Variants in ARHGAP31 observed in about 807,000 individuals in gnomAD.
The protein encoded by ARHGAP31 is rho GTPase-activating protein 31.
In ARHGAP31, 34 loss-of-function variants were observed where a neutral mutation model predicts 113.9. The ratio of observed to expected loss-of-function variants is 0.30; its 90% CI spans 0.23 to 0.40. ARHGAP31 has a LOEUF of 0.40. Ranked by LOEUF, ARHGAP31 falls within the 10% of genes least tolerant of loss-of-function variation. The pLI is 1.00. For missense variants in ARHGAP31, 1,548 were observed against 1,767.1 expected (o/e 0.88, Z 2.22); for synonymous variants, 650 against 684.8 (o/e 0.95, Z 0.79).
chr3:119,366,798 T>G (rs1398175531), intron 2 of ARHGAP31, among the ~76,000 whole-genome samples: 1 of 151,202 alleles, frequency 6.6e-6, no homozygotes, highest in Non-Finnish European at 1.5e-5. Context: ...CATGGCATAG[T>G]TCTCTTTTAA....
At chr3:119,406,450 C>T (rs538820021) in intron 10 of ARHGAP31, among the ~76,000 whole-genome samples, 6 of 152,316 alleles carry the variant, frequency 3.9e-5, no homozygotes, top group Admixed American at 6.5e-5. Context: ...GATGTTTGCA[C>T]GTCATGGCAT....
At chr3:119,372,479 C>T (rs989231479) in intron 3 of ARHGAP31, among the ~76,000 whole-genome samples, 5 of 152,012 alleles carry the variant, frequency 3.3e-5, no homozygotes, top group African/African-American at 7.2e-5. Context: ...GACGGGGTTT[C>T]GCCATGTTGG....
intron 6 of ARHGAP31, among the ~76,000 whole-genome samples, chr3:119,386,257 C>T (rs1396496047): frequency 4.6e-5 from 7 of 151,158 alleles, no homozygotes; most frequent in African/African-American, 7.3e-5. Context: ...TCCATTTGGG[C>T]TGCTATAAAA....
chr3:119,409,713 G>T lies in ARHGAP31; in HGVS notation c.1863G>T (p.Met621Ile). The T allele has an allele frequency of 6.2e-7, 1 of 1,609,808 alleles. No homozygotes were observed. ...VVEEGREAGE[M>I]ESSTLQESPR... ...AGGAGGGACGAGAGGCTGGTGAGAT[G>T]GAGTCCAGCACCCTGCAGGAGAGCC... Residue 621 changes from methionine (M) to isoleucine (I), a missense_variant, in exon 11 of 12, where the codon ATG becomes ATT. Met to Ile is a conservative substitution (Grantham distance 10). Coordinates refer to ENST00000264245, the MANE Select transcript of ARHGAP31 (RefSeq NM_020754.4).
At chr3:119,351,470 G>A (rs2080109998) in intron 1 of ARHGAP31, among the ~76,000 whole-genome samples, 1 of 152,178 alleles carries the variant, frequency 6.6e-6, no homozygotes, top group Non-Finnish European at 1.5e-5. Flanking sequence ...AGCTGTTTGA[G>A]CTTGGACAAG....
chr3:119,386,058 C>T (rs1157823712), intron 6 of ARHGAP31, among the ~76,000 whole-genome samples: 1 of 152,210 alleles, frequency 6.6e-6, no homozygotes, highest in Non-Finnish European at 1.5e-5. Flanking sequence ...TAGCCTTTAA[C>T]TCTTCATTGC....
chr3:119,306,467 G>A (rs1193949730), intron 1 of ARHGAP31, among the ~76,000 whole-genome samples: 3 of 152,208 alleles, frequency 2.0e-5, no homozygotes, highest in Non-Finnish European at 4.4e-5. Flanking sequence ...TGAGGCACGA[G>A]AATTGCTTGA....
intron 7 of ARHGAP31, among the ~76,000 whole-genome samples, chr3:119,391,396 G>C (rs112484165): frequency 5.9e-5 from 9 of 152,160 alleles, no homozygotes; most frequent in African/African-American, 2.2e-4. Context: ...AAAAGCATAG[G>C]GTTGACAAAT....
intron 11 of ARHGAP31, among the ~76,000 whole-genome samples, chr3:119,413,122 T>C (rs1299034496): frequency 6.6e-6 from 1 of 151,640 alleles, no homozygotes; most frequent in Non-Finnish European, 1.5e-5. Context: ...TTGAGACCAG[T>C]CTGGCCAACA....
chr3:119,332,399 C>G (rs1323081137), intron 1 of ARHGAP31, among the ~76,000 whole-genome samples: 1 of 151,988 alleles, frequency 6.6e-6, no homozygotes, highest in Non-Finnish European at 1.5e-5. Flanking sequence ...GAGGTTTCAT[C>G]ATGTTGGCCA....
chr3:119,319,206 C>T (rs747612903), intron 1 of ARHGAP31, among the ~76,000 whole-genome samples: 1 of 150,358 alleles, frequency 6.7e-6, no homozygotes, highest in Admixed American at 6.6e-5. Flanking sequence ...GATAAAAGCA[C>T]CTTCTGGATT....
intron 1 of ARHGAP31, among the ~76,000 whole-genome samples, chr3:119,346,892 G>A (rs2080062418): frequency 1.3e-5 from 2 of 152,138 alleles, no homozygotes; most frequent in African/African-American, 4.8e-5. Flanking sequence ...TTAATTTCCT[G>A]GTGCTGAATC....
intron 1 of ARHGAP31, among the ~76,000 whole-genome samples, chr3:119,295,292 G>A (rs936134137): frequency 6.6e-6 from 1 of 151,940 alleles, no homozygotes; most frequent in Non-Finnish European, 1.5e-5. Context: ...CTCAGGGGAT[G>A]GGGGTGGAAG....
In ARHGAP31 at chr3:119,380,972, T is replaced by C; in HGVS notation, c.417T>C (p.Pro139=). The change falls in exon 4 of 12, where the codon CCT becomes CCC. Residue 139 remains proline (P), a synonymous_variant. Coordinates refer to ENST00000264245, the MANE Select transcript of ARHGAP31 (RefSeq NM_020754.4). ...ARIQNVIQEL[P]PSHYRTLEYL... ...TCCAAAATGTTATCCAGGAGCTTCC[T>C]CCATCCCACTATAGGTAAGAATGGT... is the stretch of plus-strand genomic sequence containing the variant. 2 of 1,614,088 alleles carry C rather than the reference T, an allele frequency of 1.2e-6. No individual in the cohort carries two copies. Among genetic ancestry groups the C allele is most frequent in the South Asian group, 2.2e-5 (2 of 91,080 alleles).
chr3:119,377,196 T>C (rs1006339647), intron 3 of ARHGAP31, among the ~76,000 whole-genome samples: 1 of 152,180 alleles, frequency 6.6e-6, no homozygotes, highest in Non-Finnish European at 1.5e-5. Flanking sequence ...GGAGATTTAA[T>C]GGTGAATGGA....
At chr3:119,376,160 A>T (rs908871060) in intron 3 of ARHGAP31, among the ~76,000 whole-genome samples, 3 of 152,220 alleles carry the variant, frequency 2.0e-5, no homozygotes, top group Non-Finnish European at 4.4e-5. Flanking sequence ...GGAAATATTT[A>T]CTGACAGATT....
At chr3:119,407,377 ATAAAG>A (rs1481663302) in intron 10 of ARHGAP31, among the ~76,000 whole-genome samples, 2 of 150,660 alleles carry the variant, frequency 1.3e-5, no homozygotes, top group South Asian at 4.2e-4. Context: ...GAAAAAAAAA[ATAAAG>A]AAAAAAAGAA....
rs2080786953 is a variant in ARHGAP31 at position 119,417,296 on chromosome 3, A to G, written c.*1032A>G. ...CTTCCACACTAGGCTGGGCCCAGCA[A>G]TACAGGAGAGGATGAAGGGAGGAGC... On this transcript the variant is annotated 3_prime_UTR_variant, in exon 12 of 12. Coordinates refer to ENST00000264245, the MANE Select transcript of ARHGAP31 (RefSeq NM_020754.4). 6.6e-6 allele frequency: 1 copy of G among 152,262 alleles called. No homozygotes were observed. Among genetic ancestry groups the G allele is most frequent in the South Asian group, 2.1e-4 (1 of 4,832 alleles). 9.4% of individuals were successfully genotyped at this position (152,262 alleles called of 1,614,324 possible).
chr3:119,313,183 T>A (rs1304693763), intron 1 of ARHGAP31, among the ~76,000 whole-genome samples: 1 of 152,164 alleles, frequency 6.6e-6, no homozygotes, highest in Non-Finnish European at 1.5e-5. Context: ...CTCTAAAGAG[T>A]ATAGTAAAAA....
Sources: allele counts gnomAD v4.1 joint callset (sites outside exome capture counted in the v4.1 genomes callset), GRCh38; gene constraint gnomAD v4.1.1; transcripts MANE v1.5; gene names NCBI Gene and HGNC (gene_info 2026-07-23, HGNC 2026-07-21).